The following PCDH19 variants were observed in gnomAD, a reference collection of about 807,000 sequenced individuals.
The protein encoded by PCDH19 is protocadherin 19.
A neutral mutation model predicts 46.2 loss-of-function variants in PCDH19; 6 were observed. That is an observed-to-expected ratio of 0.13 (90% CI 0.07 to 0.26). The LOEUF (loss-of-function observed/expected upper bound fraction) is 0.26. PCDH19 is among the 10% of genes least tolerant of loss of function. The pLI, the probability that PCDH19 is intolerant of heterozygous loss-of-function variation, is 1.00. For synonymous variants in PCDH19, 481 were observed against 415.7 expected (o/e 1.16, Z -1.91); for missense variants, 740 against 972.3 (o/e 0.76, Z 3.18).
At chrX:100,332,307 A>C (rs1319938581) in intron 5 of PCDH19, among the ~76,000 whole-genome samples, 1 of 111,760 alleles carries the variant, frequency 8.9e-6, no homozygotes, top group Non-Finnish European at 1.9e-5. Flanking sequence ...GGATCACCTG[A>C]GGTCAGGAGT....
chrX:100,341,772 G>C, intron 5 of PCDH19, 131 bp downstream of exon 5: 2 of 576,922 alleles, frequency 3.5e-6, no homozygotes, highest in Non-Finnish European at 5.9e-6. Context: ...AAAACCTGTA[G>C]ATGCTGCTGA....
At chrX:100,390,942 G>A (rs1382606522) in intron 3 of PCDH19, among the ~76,000 whole-genome samples, 2 of 111,786 alleles carry the variant, frequency 1.8e-5, no homozygotes, top group Admixed American at 9.5e-5. Context: ...ATATTGTTAA[G>A]CATGAATAGT....
At chrX:100,372,984 CTCTT>C (rs1927268664) in intron 3 of PCDH19, among the ~76,000 whole-genome samples, 1 of 112,218 alleles carries the variant, frequency 8.9e-6, no homozygotes, top group Non-Finnish European at 1.9e-5. Flanking sequence ...ATCCTCAGTT[CTCTT>C]TCTGCCTTGT....
At chrX:100,400,183 A>G (rs55779110) in intron 3 of PCDH19, among the ~76,000 whole-genome samples, 1,576 of 111,940 alleles carry the variant, frequency 0.014, 28 homozygotes, top group African/African-American at 0.047. Context: ...TAAATGATCA[A>G]TATGAGTAGT....
At chrX:100,359,092 C>T (rs1288241741) in intron 3 of PCDH19, among the ~76,000 whole-genome samples, 3 of 111,930 alleles carry the variant, frequency 2.7e-5, no homozygotes, top group East Asian at 2.8e-4. Flanking sequence ...CAAACACACA[C>T]GTTAAGTGCT....
intron 4 of PCDH19, among the ~76,000 whole-genome samples, chrX:100,348,139 T>C (rs1339666846): frequency 9.1e-6 from 1 of 109,892 alleles, no homozygotes. Flanking sequence ...TTGTATTGTA[T>C]TGGCATTCAA....
At chrX:100,348,797 T>C (rs1211933511) in intron 4 of PCDH19, among the ~76,000 whole-genome samples, 1 of 112,169 alleles carries the variant, frequency 8.9e-6, no homozygotes, top group Non-Finnish European at 1.9e-5. Flanking sequence ...AGTTTTTATC[T>C]ATCAGTCTAC....
chrX:100,374,583 G>T (rs1380922866), intron 3 of PCDH19, among the ~76,000 whole-genome samples: 4 of 111,903 alleles, frequency 3.6e-5, no homozygotes, highest in Admixed American at 1.9e-4. Flanking sequence ...GTAACTCATT[G>T]TTTCTCTGAA....
chrX:100,343,930 G>A (rs1183902333), intron 4 of PCDH19, among the ~76,000 whole-genome samples: 1 of 111,662 alleles, frequency 9.0e-6, no homozygotes, highest in African/African-American at 3.3e-5. Flanking sequence ...ATATAATGAA[G>A]AGCTATGCCA....
At chrX:100,369,625 C>T (rs1661770620) in intron 3 of PCDH19, among the ~76,000 whole-genome samples, 1 of 112,390 alleles carries the variant, frequency 8.9e-6, no homozygotes, top group African/African-American at 3.2e-5. Context: ...TTCATTTCAA[C>T]ACATTTGCCT....
intron 3 of PCDH19, among the ~76,000 whole-genome samples, chrX:100,359,269 G>A (rs1370430573): frequency 1.8e-5 from 2 of 111,854 alleles, no homozygotes; most frequent in African/African-American, 6.5e-5. Flanking sequence ...GTTTCTCTGA[G>A]TGATTTCCTT....
rs1354945843 is a variant in PCDH19, at chrX:100,407,086, G to A, written c.1512C>T (p.Thr504=). 6 of 1,211,944 alleles carry A rather than the reference G, an allele frequency of 5.0e-6. No individual in the cohort carries two copies. Among genetic ancestry groups the A allele is most frequent in the Non-Finnish European group, 4.5e-6 (4 of 895,483 alleles). ...CTGAGTTGGGATTGATGGAGACATA[G>A]GTGAAGACAGGCATGTCCCGCACCT... ...PSQVRDMPVF[T]YVSINPNSGD... Residue 504 remains threonine, a synonymous_variant, in exon 1 of 6, where the codon ACC becomes ACT. Transcript: ENST00000373034.
intron 3 of PCDH19, among the ~76,000 whole-genome samples, chrX:100,389,658 A>G (rs1927812360): frequency 8.9e-6 from 1 of 111,832 alleles, no homozygotes; most frequent in Non-Finnish European, 1.9e-5. Flanking sequence ...CATCTTAAAT[A>G]TACACAATTC....
At chrX:100,309,194 A>G (rs1449491977) in intron 5 of PCDH19, among the ~76,000 whole-genome samples, 1 of 95,092 alleles carries the variant, frequency 1.1e-5, no homozygotes, top group Non-Finnish European at 2.2e-5. Context: ...TGGAAATAGT[A>G]CTCAGCCATA....
chrX:100,317,007 G>T (rs954880951), intron 5 of PCDH19, among the ~76,000 whole-genome samples: 1 of 111,725 alleles, frequency 9.0e-6, no homozygotes, highest in Non-Finnish European at 1.9e-5. Flanking sequence ...GCCATAACTG[G>T]AGCATATTTG....
At chrX:100,374,947 A>G (rs755241319) in intron 3 of PCDH19, among the ~76,000 whole-genome samples, 4 of 56,166 alleles carry the variant, frequency 7.1e-5, no homozygotes, top group African/African-American at 3.6e-4. Context: ...TCAAAAAAAA[A>G]GAAAAAAAAA....
At chrX:100,403,401 C>T (rs1928252938) in intron 2 of PCDH19, 123 bp downstream of exon 2, 4 of 651,783 alleles carry the variant, frequency 6.1e-6, no homozygotes, top group African/African-American at 2.2e-5. Flanking sequence ...CATTCTTTCG[C>T]GTCTCCTCCA....
chrX:100,304,752 G>A (rs909011893), intron 5 of PCDH19, among the ~76,000 whole-genome samples: 5 of 112,002 alleles, frequency 4.5e-5, no homozygotes, highest in African/African-American at 1.6e-4. Flanking sequence ...TGGAAATCAA[G>A]GACACACTTA....
In PCDH19 at chrX:100,409,877, G is replaced by T. The variant is rs1602640035; in HGVS notation, c.-1280C>A. 4 of 312,309 alleles carry T rather than the reference G, an allele frequency of 1.3e-5. No individual in the cohort carries two copies. Among genetic ancestry groups the T allele is most frequent in the African/African-American group, 5.5e-5 (2 of 36,535 alleles). The allele number at this position is 312,309 out of a possible 1,213,427, so 25.7% of individuals were successfully genotyped here. On this transcript the variant is annotated 5_prime_UTR_variant, in exon 1 of 6. Transcript: ENST00000373034. ...ATCTTCCCGGAGAGGCGCTGGCCGC[G>T]CTGCGTTGGGCTCCCTTCCTCCCGG...
Sources: gnomAD v4.1 joint callset for allele counts (sites outside exome capture counted in the v4.1 genomes callset) on GRCh38, gnomAD v4.1.1 for gene constraint, MANE v1.5 for transcripts, NCBI Gene and HGNC (gene_info 2026-07-23, HGNC 2026-07-21) for gene names.